Variants in KLF8 observed in about 807,000 individuals in gnomAD.
KLF8 encodes Krueppel-like factor 8.
Under a neutral mutation model 18.2 loss-of-function variants are expected in KLF8, and 10 were observed. The ratio of observed to expected loss-of-function variants is 0.55; its 90% CI spans 0.34 to 0.93. The LOEUF (loss-of-function observed/expected upper bound fraction) is 0.93. Among genes scored for constraint, KLF8 ranks in the 40% least tolerant of loss-of-function variants. The pLI, the probability that KLF8 is intolerant of heterozygous loss-of-function variation, is 0.02. For missense variants in KLF8, 264 were observed against 277.9 expected, an observed-to-expected ratio of 0.95 and a Z score of 0.36; for synonymous variants, 109 against 97.3, an observed-to-expected ratio of 1.12 and a Z score of -0.71.
At chrX:56,138,182 GTAA>G in the KLF8 span, among the ~76,000 whole-genome samples, 111 of 110,055 alleles carry the variant, frequency 1.0e-3, no homozygotes, top group African/African-American at 3.5e-3. Context: ...AAATTAATCA[GTAA>G]TAAAAAGTGT....
At chrX:56,124,964 G>C in the KLF8 span, among the ~76,000 whole-genome samples, 1 of 111,882 alleles carries the variant, frequency 8.9e-6, no homozygotes, top group Non-Finnish European at 1.9e-5. Flanking sequence ...GTTGATTTTA[G>C]GCTAACAGTC....
the KLF8 span, among the ~76,000 whole-genome samples, chrX:56,105,020 T>G: frequency 8.9e-6 from 1 of 112,037 alleles, no homozygotes; most frequent in Non-Finnish European, 1.9e-5. Context: ...TGTAGTTGTG[T>G]GGTTTTGAGT....
the KLF8 span, among the ~76,000 whole-genome samples, chrX:56,038,090 T>C: frequency 8.9e-6 from 1 of 112,209 alleles, no homozygotes. Flanking sequence ...TGTTTGTCCT[T>C]CTCTGCCTAG....
the KLF8 span, among the ~76,000 whole-genome samples, chrX:55,936,627 T>A: frequency 1.8e-5 from 2 of 112,507 alleles, no homozygotes; most frequent in Non-Finnish European, 3.8e-5. Flanking sequence ...CCTTTCTTAG[T>A]CAAAGAAAGG....
the KLF8 span, among the ~76,000 whole-genome samples, chrX:56,160,535 T>C: frequency 4.5e-5 from 5 of 111,680 alleles, no homozygotes; most frequent in African/African-American, 6.5e-5. Flanking sequence ...AGTCTCTTTG[T>C]AGGTTACTAA....
the KLF8 span, among the ~76,000 whole-genome samples, chrX:56,167,118 C>T: frequency 9.0e-6 from 1 of 111,301 alleles, no homozygotes; most frequent in African/African-American, 3.3e-5. Flanking sequence ...TGACACATTG[C>T]TTTATTTTTT....
the KLF8 span, among the ~76,000 whole-genome samples, chrX:55,922,338 T>C: frequency 8.9e-6 from 1 of 112,516 alleles, no homozygotes; most frequent in African/African-American, 3.2e-5. Context: ...TGGAAGCCAT[T>C]ATCCTCAGCA....
chrX:56,133,473 G>A, the KLF8 span, among the ~76,000 whole-genome samples: 3 of 111,619 alleles, frequency 2.7e-5, no homozygotes, highest in South Asian at 3.7e-4. Flanking sequence ...ATTCCTTTAA[G>A]ATTAAAACCC....
the KLF8 span, among the ~76,000 whole-genome samples, chrX:56,043,244 A>T: frequency 3.5e-3 from 373 of 105,758 alleles, 2 homozygotes; most frequent in African/African-American, 0.012. Context: ...TGCCCTTAAA[A>T]TTTTTTTTTT....
chrX:56,072,149 G>C, the KLF8 span, among the ~76,000 whole-genome samples: 1 of 111,656 alleles, frequency 9.0e-6, no homozygotes, highest in Non-Finnish European at 1.9e-5. Flanking sequence ...TCGAGATTTT[G>C]AGTTAAATGT....
chrX:55,943,537 T>C, the KLF8 span, among the ~76,000 whole-genome samples: 2 of 111,691 alleles, frequency 1.8e-5, no homozygotes, highest in South Asian at 7.5e-4. Flanking sequence ...CAGATTTCGC[T>C]TCTTATCCTT....
At position 56,269,604 on chromosome X, in the gene KLF8, G is replaced by A. The variant is rs769959595; in HGVS notation, c.758+115G>A. 7.5e-4 allele frequency: 768 copies of A among 1,022,317 alleles called. 2 individuals carry two copies. The highest frequency in any genetic ancestry group is 2.6e-3 in the Admixed American group (58 of 22,041). The allele number at this position is 1,022,317 out of a possible 1,213,427, so 84.3% of individuals were successfully genotyped here. A position where few individuals can be genotyped will look rare whatever the true frequency, so the allele number is the denominator to read the frequency against. ...TGATCAGACACAAGAGTAAGAATTT[G>A]AGGACAAGAAATATAGGGAGACTGC... On this transcript the variant is annotated intron_variant, in intron 4 of 5. Coordinates refer to ENST00000468660, the MANE Select transcript of KLF8 (RefSeq NM_007250.5).
the KLF8 span, among the ~76,000 whole-genome samples, chrX:55,954,254 T>G: frequency 1.8e-5 from 2 of 111,691 alleles, no homozygotes; most frequent in East Asian, 5.6e-4. Flanking sequence ...TTACTTGTTT[T>G]GTTTGTTTCT....
the KLF8 span, among the ~76,000 whole-genome samples, chrX:55,965,797 G>T: frequency 1.9e-3 from 212 of 111,828 alleles, 3 homozygotes; most frequent in Admixed American, 0.019. Flanking sequence ...ACCCACAAAA[G>T]AATAAAATAC....
At chrX:55,935,640 C>T in the KLF8 span, among the ~76,000 whole-genome samples, 1 of 112,070 alleles carries the variant, frequency 8.9e-6, no homozygotes, top group Non-Finnish European at 1.9e-5. Flanking sequence ...ACTAGAGCCA[C>T]ATGGATAAAT....
At chrX:56,187,984 C>G in the KLF8 span, among the ~76,000 whole-genome samples, 1 of 111,721 alleles carries the variant, frequency 9.0e-6, no homozygotes, top group Admixed American at 9.5e-5. Flanking sequence ...TGCCCTCTCT[C>G]ACCACTCCTA....
At chrX:55,950,159 C>T in the KLF8 span, among the ~76,000 whole-genome samples, 1 of 110,951 alleles carries the variant, frequency 9.0e-6, no homozygotes, top group African/African-American at 3.3e-5. Flanking sequence ...TCCAGAGGAA[C>T]ACTGCCTTCC....
chrX:56,080,575 C>T, the KLF8 span, among the ~76,000 whole-genome samples: 5 of 111,277 alleles, frequency 4.5e-5, no homozygotes, highest in Non-Finnish European at 7.5e-5. Flanking sequence ...TCTGGCTGCC[C>T]TTAACATTTT....
the KLF8 span, among the ~76,000 whole-genome samples, chrX:56,137,071 G>C: frequency 2.7e-5 from 3 of 110,770 alleles, no homozygotes; most frequent in Non-Finnish European, 5.7e-5. Context: ...TCTCACACCA[G>C]TTAGAATGGC....
Sources: gnomAD v4.1 joint callset for allele counts (sites outside exome capture counted in the v4.1 genomes callset) on GRCh38, gnomAD v4.1.1 for gene constraint, MANE v1.5 for transcripts, NCBI Gene and HGNC (gene_info 2026-07-23, HGNC 2026-07-21) for gene names.